Variants in KCNQ3 observed in about 807,000 individuals in gnomAD.
The protein encoded by KCNQ3 is potassium voltage-gated channel subfamily KQT member 3.
A neutral mutation model predicts 92.5 loss-of-function variants in KCNQ3; 30 were observed. The ratio of observed to expected loss-of-function variants is 0.32; its 90% confidence interval spans 0.24 to 0.44. The LOEUF (loss-of-function observed/expected upper bound fraction) is 0.44, where lower values mean the gene tolerates loss of function less well. Among genes scored for constraint, KCNQ3 ranks in the 20% least tolerant of loss-of-function variants. KCNQ3 has a pLI of 1.00. For synonymous variants in KCNQ3, 450 were observed against 468.8 expected (o/e 0.96, Z 0.52); for missense variants, 913 against 1,140.3 (o/e 0.80, Z 2.87).
intron 1 of KCNQ3, among the ~76,000 whole-genome samples, chr8:132,220,841 G>A (rs1814204024): frequency 6.6e-6 from 1 of 151,728 alleles, no homozygotes; most frequent in Admixed American, 6.6e-5. Flanking sequence ...TATACTTTAA[G>A]TTCTAGGGTA....
Position 132,229,099 on chromosome 8 carries a change from C to T in KCNQ3, c.387-42918G>A, listed in dbSNP as rs139429348. On this transcript the variant is annotated intron_variant, in intron 1 of 14. Transcript: ENST00000388996. Reference sequence around the variant, plus strand: ...TGAAACCCCGTCTCTACTAAAAATACAGAAATTAGCTGGGCGTGGTGGCAC... The same window carrying T: ...TGAAACCCCGTCTCTACTAAAAATATAGAAATTAGCTGGGCGTGGTGGCAC... Among the ~76,000 whole-genome samples the T allele has an allele frequency of 2.6e-4, 39 of 152,140 alleles. No individual in the cohort carries two copies. In the East Asian group the frequency reaches 3.9e-3, roughly 15 times the overall value.
chr8:132,400,078 A>G (rs963536638), intron 1 of KCNQ3, among the ~76,000 whole-genome samples: 2 of 152,208 alleles, frequency 1.3e-5, no homozygotes, highest in Non-Finnish European at 2.9e-5. Context: ...ACACCTAGGC[A>G]GACCTGAGCA....
At chr8:132,443,639 C>T (rs1029003352) in intron 1 of KCNQ3, among the ~76,000 whole-genome samples, 2 of 152,146 alleles carry the variant, frequency 1.3e-5, no homozygotes, top group African/African-American at 2.4e-5. Context: ...ATGCTTATTT[C>T]GAAAAGCTTC....
intron 1 of KCNQ3, among the ~76,000 whole-genome samples, chr8:132,372,564 T>C (rs1229965823): frequency 6.6e-6 from 1 of 151,986 alleles, no homozygotes; most frequent in African/African-American, 2.4e-5. Flanking sequence ...AAGACCAGCC[T>C]GACCAACATG....
At chr8:132,253,156 G>A (rs1045686899) in intron 1 of KCNQ3, among the ~76,000 whole-genome samples, 7 of 152,192 alleles carry the variant, frequency 4.6e-5, no homozygotes, top group African/African-American at 1.7e-4. Flanking sequence ...GTCAGGAACT[G>A]TGCAAGGGAG....
intron 1 of KCNQ3, among the ~76,000 whole-genome samples, chr8:132,240,089 C>A (rs1225928132): frequency 6.6e-6 from 1 of 151,946 alleles, no homozygotes; most frequent in Non-Finnish European, 1.5e-5. Flanking sequence ...GGAAACACTG[C>A]AGGAACGCTA....
At chr8:132,178,346 A>T (rs1478083466) in intron 4 of KCNQ3, among the ~76,000 whole-genome samples, 1 of 152,234 alleles carries the variant, frequency 6.6e-6, no homozygotes, top group Non-Finnish European at 1.5e-5. Flanking sequence ...TAAAACACAG[A>T]TGGCAAGAAA....
At chr8:132,299,861 C>T (rs535392036) in intron 1 of KCNQ3, among the ~76,000 whole-genome samples, 9 of 152,318 alleles carry the variant, frequency 5.9e-5, no homozygotes, top group African/African-American at 2.2e-4. Flanking sequence ...GACTTGCGCT[C>T]AATGCCAGGC....
chr8:132,154,710 T>C (rs1190502056), intron 9 of KCNQ3, among the ~76,000 whole-genome samples: 1 of 152,188 alleles, frequency 6.6e-6, no homozygotes, highest in Non-Finnish European at 1.5e-5. Context: ...GACCTGGGAT[T>C]CCAACTGAGA....
intron 1 of KCNQ3, among the ~76,000 whole-genome samples, chr8:132,325,408 G>A (rs967342358): frequency 6.6e-6 from 1 of 152,154 alleles, no homozygotes; most frequent in African/African-American, 2.4e-5. Flanking sequence ...GGTGTCATGG[G>A]CTGAACTTTG....
chr8:132,354,186 T>C (rs575608075), intron 1 of KCNQ3, among the ~76,000 whole-genome samples: 2 of 152,276 alleles, frequency 1.3e-5, no homozygotes, highest in East Asian at 3.9e-4. Flanking sequence ...AAGACAGATA[T>C]CTGCAGGAGA....
intron 1 of KCNQ3, among the ~76,000 whole-genome samples, chr8:132,385,238 C>T (rs1358789527): frequency 1.3e-5 from 2 of 152,254 alleles, no homozygotes; most frequent in Non-Finnish European, 2.9e-5. Flanking sequence ...GGGACTGCAA[C>T]GCAGCTCAAC....
intron 1 of KCNQ3, among the ~76,000 whole-genome samples, chr8:132,403,439 G>A (rs1820401549): frequency 6.6e-6 from 1 of 152,178 alleles, no homozygotes; most frequent in Non-Finnish European, 1.5e-5. Flanking sequence ...CAAATGCCAT[G>A]TCTGGCACAT....
intron 1 of KCNQ3, among the ~76,000 whole-genome samples, chr8:132,211,434 T>C (rs1363660836): frequency 6.6e-6 from 1 of 152,170 alleles, no homozygotes. Context: ...TCTAGTAAAG[T>C]TTCAATTGAC....
intron 1 of KCNQ3, among the ~76,000 whole-genome samples, chr8:132,268,991 A>G (rs1816072079): frequency 6.6e-6 from 1 of 152,222 alleles, no homozygotes; most frequent in South Asian, 2.1e-4. Flanking sequence ...TGCATATATT[A>G]TCATGTGGAA....
intron 13 of KCNQ3, among the ~76,000 whole-genome samples, chr8:132,133,338 G>A (rs1472095514): frequency 7.2e-6 from 1 of 139,758 alleles, no homozygotes; most frequent in Non-Finnish European, 1.5e-5. Flanking sequence ...CTATCATCAC[G>A]TTAATGCTCT....
intron 8 of KCNQ3, among the ~76,000 whole-genome samples, chr8:132,164,344 T>C (rs1413536619): frequency 6.7e-6 from 1 of 149,740 alleles, no homozygotes; most frequent in East Asian, 1.9e-4. Context: ...TAGTCTCGTT[T>C]TTTTTTTTTC....
chr8:132,122,246 G>A lies in KCNQ3; in HGVS notation c.*7016C>T, dbSNP rs1186567143. 6.6e-6 allele frequency: 1 copy of A among 152,194 alleles called. No individual in the cohort carries two copies. Among genetic ancestry groups the A allele is most frequent in the Non-Finnish European group, 1.5e-5 (1 of 68,042 alleles). 9.4% of individuals were successfully genotyped at this position (152,194 alleles called of 1,614,324 possible). A position where few individuals can be genotyped will look rare whatever the true frequency, so the allele number is the denominator to read the frequency against. On this transcript the variant is annotated 3_prime_UTR_variant, in exon 15 of 15. Coordinates refer to ENST00000388996, the MANE Select transcript of KCNQ3 (RefSeq NM_004519.4). Reference sequence around the variant, plus strand: ...ACAATAACATCTCCCTCATGGGGTTGCGATGAGGATTGCATGAACTTTAGA... The same window carrying A: ...ACAATAACATCTCCCTCATGGGGTTACGATGAGGATTGCATGAACTTTAGA...
chr8:132,238,778 T>C (rs1469546010), intron 1 of KCNQ3, among the ~76,000 whole-genome samples: 1 of 152,202 alleles, frequency 6.6e-6, no homozygotes, highest in African/African-American at 2.4e-5. Flanking sequence ...TGAAAGAGTC[T>C]GTTTTCCCAG....
Sources: gnomAD v4.1 joint callset for allele counts (sites outside exome capture counted in the v4.1 genomes callset) on GRCh38, gnomAD v4.1.1 for gene constraint, MANE v1.5 for transcripts, NCBI Gene and HGNC (gene_info 2026-07-23, HGNC 2026-07-21) for gene names.